OSBP2: variants seen among roughly 807,000 people sequenced by gnomAD.
OSBP2 encodes oxysterol binding protein 2.
OSBP2 carries 66 observed loss-of-function variants against 96.0 expected under a neutral mutation model. The observed-to-expected ratio is 0.69, with a 90% confidence interval of 0.56 to 0.84. The LOEUF is 0.84. Among genes scored for constraint, OSBP2 ranks in the 40% least tolerant of loss-of-function variants. The probability of loss-of-function intolerance (pLI) is 0.00; values close to 1 mark genes in which losing one functional copy is unlikely to be tolerated. For synonymous variants in OSBP2, 525 were observed against 520.9 expected (o/e 1.01, Z -0.11); for missense variants, 1,038 against 1,222.7 (o/e 0.85, Z 2.25).
At chr22:30,704,324 G>A (rs1184286558) in intron 1 of OSBP2, among the ~76,000 whole-genome samples, 1 of 152,104 alleles carries the variant, frequency 6.6e-6, no homozygotes, top group Non-Finnish European at 1.5e-5. Flanking sequence ...AGCTTCCAAG[G>A]GTCCTCTCCC....
intron 1 of OSBP2, among the ~76,000 whole-genome samples, chr22:30,711,252 A>G (rs1220612635): frequency 6.6e-6 from 1 of 151,932 alleles, no homozygotes; most frequent in Non-Finnish European, 1.5e-5. Context: ...TATAAAAGCT[A>G]GGAAATATCT....
chr22:30,762,836 C>T (rs554638136), intron 2 of OSBP2, among the ~76,000 whole-genome samples: 13 of 152,334 alleles, frequency 8.5e-5, no homozygotes, highest in East Asian at 3.9e-4. Context: ...CTCAGCCCCT[C>T]GAGCATGGTA....
chr22:30,870,410 ACT>A lies in OSBP2; in HGVS notation c.854-16_854-15del, dbSNP rs1461803095. The A allele has an allele frequency of 6.2e-7, 1 of 1,612,390 alleles. No individual in the cohort carries two copies. Among genetic ancestry groups the A allele is most frequent in the Admixed American group, 1.7e-5 (1 of 59,942 alleles). On this transcript the variant is annotated splice_polypyrimidine_tract_variant and intron_variant, in intron 2 of 13. Transcript: ENST00000332585. This position sits in a 1 kb window ranked among gnomAD's most constrained non-coding sequence, Gnocchi z 4.1. Reference sequence around the variant, plus strand: ...ACGTCTGTTCGTAATGACCGTAACAACTCTATTTTCTTCCACAGATGACTCTG... The same window carrying A: ...ACGTCTGTTCGTAATGACCGTAACAACTATTTTCTTCCACAGATGACTCTG...
chr22:30,854,101 G>A (rs1016923822), intron 2 of OSBP2, among the ~76,000 whole-genome samples: 11 of 151,882 alleles, frequency 7.2e-5, no homozygotes, highest in African/African-American at 1.9e-4. Context: ...TTTACAGTAC[G>A]CATTTTTAAC....
At chr22:30,831,066 T>C (rs2038512422) in intron 2 of OSBP2, among the ~76,000 whole-genome samples, 1 of 152,234 alleles carries the variant, frequency 6.6e-6, no homozygotes, top group Non-Finnish European at 1.5e-5. Context: ...TGTAAAGTTT[T>C]TCCTTTGTGT....
intron 2 of OSBP2, among the ~76,000 whole-genome samples, chr22:30,864,547 G>T (rs1471662959): frequency 6.6e-6 from 1 of 152,168 alleles, no homozygotes; most frequent in Admixed American, 6.5e-5. Context: ...ATGGGGCGTT[G>T]GTGGGTGCTG....
intron 3 of OSBP2, among the ~76,000 whole-genome samples, chr22:30,874,744 C>T (rs528311857): frequency 1.9e-4 from 29 of 152,378 alleles, no homozygotes; most frequent in African/African-American, 5.3e-4. Context: ...CAACCCCCCA[C>T]GCCTTTACCA....
chr22:30,842,268 A>G (rs1175292018), intron 2 of OSBP2, among the ~76,000 whole-genome samples: 2 of 152,188 alleles, frequency 1.3e-5, no homozygotes, highest in Non-Finnish European at 2.9e-5. Flanking sequence ...ATCGCACTTC[A>G]GTCTGGGCGA....
chr22:30,848,407 T>C (rs2038913686), intron 2 of OSBP2, among the ~76,000 whole-genome samples: 1 of 152,220 alleles, frequency 6.6e-6, no homozygotes, highest in Admixed American at 6.5e-5. Context: ...GATCAGTAAA[T>C]GGTTGTCCTT....
At chr22:30,826,059 G>A (rs1211984848) in intron 2 of OSBP2, among the ~76,000 whole-genome samples, 1 of 152,100 alleles carries the variant, frequency 6.6e-6, no homozygotes, top group African/African-American at 2.4e-5. Context: ...GCTGTGATGT[G>A]AGCACCAGGT....
intron 12 of OSBP2, chr22:30,894,606 G>C (rs2040023399): frequency 6.6e-6 from 1 of 152,470 alleles, no homozygotes; most frequent in Non-Finnish European, 1.5e-5. Context: ...TGCTCAGCAA[G>C]ATTGAGAGCA....
intron 2 of OSBP2, among the ~76,000 whole-genome samples, chr22:30,788,956 G>A (rs538939432): frequency 7.9e-5 from 12 of 152,156 alleles, no homozygotes; most frequent in East Asian, 1.9e-4. Flanking sequence ...CAGGTGATCC[G>A]CCCATCTCAG....
In OSBP2 at chr22:30,786,775, G is replaced by A. The variant is rs576748095; in HGVS notation, c.853+45406G>A. ...CAAGATGAGGCTGGAGAGACTAGCA[G>A]GGCAAAACATGCATCAGGAAAGGTG... is the stretch of plus-strand genomic sequence containing the variant. On this transcript the variant is annotated intron_variant, in intron 2 of 13. Coordinates refer to ENST00000332585, the MANE Select transcript of OSBP2 (RefSeq NM_030758.4). Among the ~76,000 whole-genome samples the A allele has an allele frequency of 5.3e-5, 8 of 152,032 alleles. 1 individual carries two copies. In the South Asian group the frequency reaches 1.7e-3, roughly 32 times the overall value.
At chr22:30,863,998 T>G (rs1316132500) in intron 2 of OSBP2, among the ~76,000 whole-genome samples, 1 of 148,612 alleles carries the variant, frequency 6.7e-6, no homozygotes, top group Non-Finnish European at 1.5e-5. Flanking sequence ...TGAAACGGAG[T>G]CTGACTCTGT....
chr22:30,728,418 A>T (rs1018043810), intron 1 of OSBP2, among the ~76,000 whole-genome samples: 7 of 151,936 alleles, frequency 4.6e-5, no homozygotes, highest in Non-Finnish European at 8.8e-5. Context: ...AAATACAAAA[A>T]TTAGCTGGGT....
At chr22:30,822,803 A>C (rs2038308228) in intron 2 of OSBP2, 1 of 1,119,034 alleles carries the variant, frequency 8.9e-7, no homozygotes, top group Non-Finnish European at 1.2e-6. Context: ...GATCCACGGG[A>C]GCCTCTGATG....
intron 1 of OSBP2, among the ~76,000 whole-genome samples, chr22:30,714,902 C>A (rs2089421717): frequency 6.6e-6 from 1 of 152,188 alleles, no homozygotes; most frequent in East Asian, 1.9e-4. Flanking sequence ...AGGCATGAGC[C>A]ACCACGCCCA....
In OSBP2 at chr22:30,694,904, G is replaced by T. The variant is rs1019683097; in HGVS notation, c.-6G>T. 1.5e-6 allele frequency: 2 copies of T among 1,314,626 alleles called. No homozygotes were observed. Among genetic ancestry groups the T allele is most frequent in the Non-Finnish European group, 1.9e-6 (2 of 1,025,942 alleles). 81.4% of individuals were successfully genotyped at this position (1,314,626 alleles called of 1,614,324 possible). ...CCGCTCGGCCGCGCGCGGGTCGGCC[G>T]GCTCTATGGGGAAAGCGGCGGCTCC... On this transcript the variant is annotated 5_prime_UTR_variant, in exon 1 of 14. Coordinates refer to ENST00000332585, the MANE Select transcript of OSBP2 (RefSeq NM_030758.4).
intron 1 of OSBP2, among the ~76,000 whole-genome samples, chr22:30,708,907 C>T (rs571540581): frequency 1.3e-5 from 2 of 151,672 alleles, no homozygotes; most frequent in East Asian, 3.9e-4. Context: ...TCGAGACCAG[C>T]CTGACCAACA....
Sources: gnomAD v4.1 joint callset for allele counts (sites outside exome capture counted in the v4.1 genomes callset) on GRCh38, gnomAD v4.1.1 for gene constraint, Gnocchi (gnomAD v3.1) non-coding constraint, MANE v1.5 for transcripts, NCBI Gene and HGNC (gene_info 2026-07-23, HGNC 2026-07-21) for gene names.